Variants in FAT1 observed in about 807,000 individuals in gnomAD.
The protein encoded by FAT1 is protocadherin Fat 1.
A neutral mutation model predicts 329.8 loss-of-function variants in FAT1; 171 were observed. The ratio of observed to expected loss-of-function variants is 0.52; its 90% CI spans 0.46 to 0.59. FAT1 has a LOEUF of 0.59. FAT1 is among the 20% of genes least tolerant of loss of function. The pLI is 0.00. For missense variants in FAT1, 5,672 were observed against 5,774.4 expected (o/e 0.98, Z 0.57); for synonymous variants, 2,233 against 2,228.6 (o/e 1.00, Z -0.06).
At chr4:186,640,966 T>C (rs887624744) in intron 3 of FAT1, among the ~76,000 whole-genome samples, 6 of 152,200 alleles carry the variant, frequency 3.9e-5, no homozygotes, top group African/African-American at 1.2e-4. Flanking sequence ...GTGCTGCGGC[T>C]TTTTTCTCAT....
At chr4:186,606,985 A>G (rs1341583203) in intron 16 of FAT1, among the ~76,000 whole-genome samples, 2 of 152,248 alleles carry the variant, frequency 1.3e-5, no homozygotes, top group African/African-American at 2.4e-5. Context: ...CACAATGGAC[A>G]GAAGTGTATT....
At chr4:186,599,031 T>C (rs77600667) in intron 22 of FAT1, among the ~76,000 whole-genome samples, 5,879 of 152,232 alleles carry the variant, frequency 0.039, 238 homozygotes, top group East Asian at 0.17. Context: ...CCATACTCCT[T>C]TACTCCTGCT....
chr4:186,676,568 CAA>C (rs946269440), intron 2 of FAT1, among the ~76,000 whole-genome samples: 4 of 152,156 alleles, frequency 2.6e-5, no homozygotes, highest in Non-Finnish European at 5.9e-5. Flanking sequence ...TCTTGTACTG[CAA>C]AGTGTGTTCC....
At position 186,708,170 on chromosome 4, in the gene FAT1, A is replaced by T. The variant is rs1350755104; in HGVS notation, c.1658T>A (p.Val553Asp). The T allele has an allele frequency of 3.7e-6, 6 of 1,614,026 alleles. No homozygotes were observed. In the Admixed American group the frequency reaches 8.3e-5, roughly 22 times the overall value. The change falls in exon 2 of 27, where the codon GTC becomes GAC. Residue 553 changes from valine to aspartate, a missense_variant. By Grantham distance (152) the Val-to-Asp change is radical. This residue lies in a region of FAT1 where 3,966 missense variants were observed against 3,915.2 expected (regional missense o/e 1.01). Coordinates refer to ENST00000441802, the MANE Select transcript of FAT1 (RefSeq NM_005245.4). ...GTTATTGAGAGTAATTGTAGCAAGG[A>T]CTTCGACTTCCCGGCGGTACGGCAA... ...WGLPYRREVEVLATITLNNLN... is the reference protein window; with the variant it reads ...WGLPYRREVEDLATITLNNLN...
intron 3 of FAT1, among the ~76,000 whole-genome samples, chr4:186,657,611 T>C (rs1741965447): frequency 6.6e-6 from 1 of 152,154 alleles, no homozygotes; most frequent in Non-Finnish European, 1.5e-5. Context: ...TATCAAATTG[T>C]AGACTTTAAA....
rs371619837 is a variant in FAT1, at chr4:186,618,740, C to A, written c.7846G>T (p.Val2616Phe). The A allele has an allele frequency of 1.2e-6, 2 of 1,614,020 alleles. No homozygotes were observed. The highest frequency in any genetic ancestry group is 1.7e-6 in the Non-Finnish European group (2 of 1,179,898). ...GSSAAKGTSV[V>F]KVLASDADEG... ...TCGGCATCACTTGCAAGAACTTTAA[C>A]GACTGAAGTCCCTTTAGCAGCACTG... Residue 2616 changes from valine (V) to phenylalanine (F), a missense_variant, in exon 10 of 27, where the codon GTT (valine) becomes TTT (phenylalanine). Val to Phe is a conservative substitution (Grantham distance 50). Around this residue, in one of 2 missense-constraint regions of FAT1, gnomAD observed 3,966 missense variants for 3,915.2 expected, o/e 1.01. Coordinates refer to ENST00000441802, the MANE Select transcript of FAT1 (RefSeq NM_005245.4).
intron 2 of FAT1, among the ~76,000 whole-genome samples, chr4:186,668,460 G>A (rs776882865): frequency 5.3e-5 from 8 of 152,182 alleles, no homozygotes; most frequent in African/African-American, 7.2e-5. Flanking sequence ...CTTAAAGAAC[G>A]TTGAAATGAT....
intron 2 of FAT1, among the ~76,000 whole-genome samples, chr4:186,669,534 A>G (rs1579421649): frequency 6.6e-6 from 1 of 152,222 alleles, no homozygotes; most frequent in African/African-American, 2.4e-5. Flanking sequence ...GAAGTTGTTA[A>G]TAACCTGAAA....
chr4:186,692,685 T>G (rs918937591), intron 2 of FAT1, among the ~76,000 whole-genome samples: 1 of 151,946 alleles, frequency 6.6e-6, no homozygotes, highest in East Asian at 1.9e-4. Context: ...CACTCCTATA[T>G]TCTCTCCTCA....
At chr4:186,675,894 T>C (rs1742935526) in intron 2 of FAT1, among the ~76,000 whole-genome samples, 1 of 152,178 alleles carries the variant, frequency 6.6e-6, no homozygotes, top group South Asian at 2.1e-4. Flanking sequence ...GGCTTGGATC[T>C]TAATCTGGAA....
chr4:186,622,721 T>C (rs1484778904), intron 9 of FAT1, among the ~76,000 whole-genome samples: 1 of 152,220 alleles, frequency 6.6e-6, no homozygotes, highest in African/African-American at 2.4e-5. Flanking sequence ...TACAGCCCTT[T>C]TGGATAAATC....
chr4:186,673,463 A>C (rs1742821096), intron 2 of FAT1, among the ~76,000 whole-genome samples: 1 of 152,246 alleles, frequency 6.6e-6, no homozygotes, highest in Non-Finnish European at 1.5e-5. Context: ...TGAAGTATTT[A>C]TGTAGGTAAC....
At chr4:186,674,939 C>T (rs553971761) in intron 2 of FAT1, among the ~76,000 whole-genome samples, 3 of 152,146 alleles carry the variant, frequency 2.0e-5, no homozygotes, top group East Asian at 3.9e-4. Context: ...GTGCCTGAGG[C>T]AGGGGCATCG....
chr4:186,705,776 G>C (rs1434654388), intron 2 of FAT1, among the ~76,000 whole-genome samples: 2 of 152,210 alleles, frequency 1.3e-5, no homozygotes, highest in Non-Finnish European at 2.9e-5. Flanking sequence ...TGCTGCCTTG[G>C]AGGTCCCGGT....
rs1741009468 is a variant in FAT1, at chr4:186,639,759, T to G, written c.3605A>C (p.Lys1202Thr). ...KTGLITTTSRKLDREQQDEHI... is the reference protein window; with the variant it reads ...KTGLITTTSRTLDREQQDEHI... Reference sequence around the variant, plus strand: ...TTCATCTTGCTGTTCTCGGTCTAGCTTCCTTGACGTAGTTGTGATGAGACC... The same window carrying G: ...TTCATCTTGCTGTTCTCGGTCTAGCGTCCTTGACGTAGTTGTGATGAGACC... The change falls in exon 4 of 27, where the codon AAG becomes ACG. Residue 1202 changes from lysine to threonine, a missense_variant. Physicochemically the swap from Lys to Thr is moderately conservative, Grantham distance 78. Transcript: ENST00000441802. The G allele has an allele frequency of 1.2e-6, 2 of 1,613,134 alleles. No homozygotes were observed. Among genetic ancestry groups the G allele is most frequent in the Non-Finnish European group, 1.7e-6 (2 of 1,179,466 alleles).
intron 26 of FAT1, among the ~76,000 whole-genome samples, chr4:186,595,304 T>G (rs1485122541): frequency 6.6e-6 from 1 of 151,716 alleles, no homozygotes; most frequent in South Asian, 2.1e-4. Context: ...GGGGTGTGTG[T>G]GTGTGTGTGT....
chr4:186,701,048 T>C (rs1744285872), intron 2 of FAT1, among the ~76,000 whole-genome samples: 1 of 152,096 alleles, frequency 6.6e-6, no homozygotes, highest in South Asian at 2.1e-4. Context: ...TGAGTCACGG[T>C]CCCCCGAGTT....
At chr4:186,674,997 G>A (rs28612551) in intron 2 of FAT1, among the ~76,000 whole-genome samples, 5,406 of 152,240 alleles carry the variant, frequency 0.036, 317 homozygotes, top group African/African-American at 0.12. Flanking sequence ...TCATGCTGCT[G>A]TACTCAAGCC....
At chr4:186,665,376 T>A (rs113401301) in intron 2 of FAT1, among the ~76,000 whole-genome samples, 6,511 of 152,246 alleles carry the variant, frequency 0.043, 463 homozygotes, top group African/African-American at 0.15. Flanking sequence ...GACTTTTTAA[T>A]GATCACCATT....
Sources: allele counts gnomAD v4.1 joint callset (sites outside exome capture counted in the v4.1 genomes callset), GRCh38; gene constraint gnomAD v4.1.1; regional missense constraint gnomAD v4.1.1; transcripts MANE v1.5; gene names NCBI Gene and HGNC (gene_info 2026-07-23, HGNC 2026-07-21).